ZNF385D: variants seen among roughly 807,000 people sequenced by gnomAD.
ZNF385D encodes zinc finger protein 659.
In ZNF385D, 15 loss-of-function variants were observed where a neutral mutation model predicts 35.8. The observed-to-expected ratio is 0.42, with a 90% CI of 0.28 to 0.64. ZNF385D has a LOEUF of 0.64. ZNF385D is among the 30% of genes least tolerant of loss of function. The pLI is 0.23. For missense variants in ZNF385D, 474 were observed against 494.6 expected (o/e 0.96, Z 0.39); for synonymous variants, 212 against 186.8 (o/e 1.13, Z -1.10).
At chr3:22,247,224 A>T (rs924057933) in intron 2 of ZNF385D, among the ~76,000 whole-genome samples, 1 of 152,132 alleles carries the variant, frequency 6.6e-6, no homozygotes, top group African/African-American at 2.4e-5. Flanking sequence ...TGATTATTTA[A>T]TATATTAAAC....
intron 3 of ZNF385D, among the ~76,000 whole-genome samples, chr3:21,791,798 G>A (rs1056069065): frequency 3.3e-5 from 5 of 152,094 alleles, no homozygotes; most frequent in Admixed American, 6.5e-5. Context: ...GTAGTGGCGC[G>A]ATCTCGGCTC....
At chr3:22,044,561 TTA>T (rs1698868047) in intron 3 of ZNF385D, among the ~76,000 whole-genome samples, 1 of 152,258 alleles carries the variant, frequency 6.6e-6, no homozygotes, top group Admixed American at 6.5e-5. Context: ...TAATGTATCC[TTA>T]TGTTTTGGAG....
At chr3:21,440,979 A>G (rs1390074080) in intron 4 of ZNF385D, among the ~76,000 whole-genome samples, 1 of 152,152 alleles carries the variant, frequency 6.6e-6, no homozygotes, top group Non-Finnish European at 1.5e-5. Flanking sequence ...TCTTACCTGC[A>G]GTTACTCATG....
At chr3:22,091,395 G>A (rs147142281) in intron 3 of ZNF385D, among the ~76,000 whole-genome samples, 26 of 152,262 alleles carry the variant, frequency 1.7e-4, no homozygotes, top group Admixed American at 2.6e-4. Context: ...GGGATAACAG[G>A]CTCTGGGGTA....
chr3:21,787,490 C>T (rs2071741296), intron 3 of ZNF385D, among the ~76,000 whole-genome samples: 1 of 152,048 alleles, frequency 6.6e-6, no homozygotes, highest in Non-Finnish European at 1.5e-5. Context: ...ATATCCAGCA[C>T]ACCACTAACC....
intron 3 of ZNF385D, among the ~76,000 whole-genome samples, chr3:21,788,325 A>G (rs2071787415): frequency 6.6e-6 from 1 of 152,144 alleles, no homozygotes; most frequent in Non-Finnish European, 1.5e-5. Context: ...CTAAAAATAC[A>G]AAATTAGCCG....
At chr3:21,496,470 ATATACATATATACACATATATT>A (rs1705877931) in intron 4 of ZNF385D, among the ~76,000 whole-genome samples, 4 of 76,868 alleles carry the variant, frequency 5.2e-5, no homozygotes, top group Non-Finnish European at 7.5e-5. Flanking sequence ...TATATCATAT[ATATACATATATACACATATATT>A]TGATATATAT....
At chr3:21,768,637 T>A (rs1389147486) in intron 3 of ZNF385D, among the ~76,000 whole-genome samples, 4 of 151,832 alleles carry the variant, frequency 2.6e-5, no homozygotes, top group Non-Finnish European at 5.9e-5. Flanking sequence ...GGAACCAGGG[T>A]AGAAAAAAAG....
intron 3 of ZNF385D, among the ~76,000 whole-genome samples, chr3:21,536,009 G>T (rs2062027579): frequency 9.1e-6 from 1 of 110,146 alleles, no homozygotes; most frequent in Non-Finnish European, 2.0e-5. Flanking sequence ...AGAAGATGGA[G>T]CTGGATCTAT....
intron 2 of ZNF385D, among the ~76,000 whole-genome samples, chr3:22,275,009 G>A (rs1014345081): frequency 1.3e-5 from 2 of 151,970 alleles, no homozygotes; most frequent in African/African-American, 2.4e-5. Context: ...TAGAGAATAA[G>A]ACAAACCCTG....
chr3:22,168,183 C>A (rs116387860), intron 3 of ZNF385D, among the ~76,000 whole-genome samples: 1 of 152,106 alleles, frequency 6.6e-6, no homozygotes, highest in Admixed American at 6.5e-5. Flanking sequence ...CTCCTCTGTA[C>A]GGGCCCACCC....
chr3:22,044,115 A>C (rs259458), intron 3 of ZNF385D, among the ~76,000 whole-genome samples: 40,802 of 150,448 alleles, frequency 0.27, 5,782 homozygotes, highest in Middle Eastern at 0.35. Flanking sequence ...TTTTAATGTA[A>C]TGGCCTCAGG....
At chr3:21,855,436 G>T (rs568856381) in intron 3 of ZNF385D, among the ~76,000 whole-genome samples, 1 of 152,104 alleles carries the variant, frequency 6.6e-6, no homozygotes, top group Non-Finnish European at 1.5e-5. Context: ...CTCCACATTT[G>T]CCCTCTTCTG....
intron 2 of ZNF385D, among the ~76,000 whole-genome samples, chr3:22,359,073 C>G (rs142020324): frequency 1.4e-5 from 2 of 141,998 alleles, no homozygotes; most frequent in African/African-American, 5.4e-5. Flanking sequence ...AACAAAAAAA[C>G]CAAAAAAAAA....
intron 3 of ZNF385D, among the ~76,000 whole-genome samples, chr3:21,933,607 G>A (rs142393687): frequency 2.0e-5 from 3 of 152,156 alleles, no homozygotes; most frequent in African/African-American, 7.2e-5. Flanking sequence ...CAAAAATATA[G>A]CATTACTTTA....
intron 1 of ZNF385D, among the ~76,000 whole-genome samples, chr3:21,695,861 T>C (rs960062677): frequency 6.6e-6 from 1 of 152,086 alleles, no homozygotes. Context: ...TGAAAAGATG[T>C]AGTGTTAATA....
chr3:21,884,341 C>G (rs546472616), intron 3 of ZNF385D, among the ~76,000 whole-genome samples: 1 of 152,068 alleles, frequency 6.6e-6, no homozygotes, highest in South Asian at 2.1e-4. Context: ...ATCACCATCC[C>G]TTCGCTGGAA....
intron 3 of ZNF385D, among the ~76,000 whole-genome samples, chr3:21,759,676 G>A (rs551245105): frequency 5.5e-4 from 84 of 152,130 alleles, no homozygotes; most frequent in Non-Finnish European, 1.1e-3. Context: ...TATGGTTCCT[G>A]GGCAGCTATT....
At chr3:21,650,654 A>G (rs1174082808) in intron 2 of ZNF385D, among the ~76,000 whole-genome samples, 3 of 152,154 alleles carry the variant, frequency 2.0e-5, no homozygotes, top group Non-Finnish European at 4.4e-5. Flanking sequence ...CATGTTTTCA[A>G]AGGAATTCTA....
Sources: gnomAD v4.1 joint callset for allele counts (sites outside exome capture counted in the v4.1 genomes callset) on GRCh38, gnomAD v4.1.1 for gene constraint, MANE v1.5 for transcripts, NCBI Gene and HGNC (gene_info 2026-07-23, HGNC 2026-07-21) for gene names.